The following CCDC32 variants were observed in gnomAD, a reference collection of about 807,000 sequenced individuals.
The protein encoded by CCDC32 is coiled-coil domain containing 32, also known as coiled-coil domain-containing protein 32.
Under a neutral mutation model 20.1 loss-of-function variants are expected in CCDC32, and 9 were observed. That is an observed-to-expected ratio of 0.45 (90% confidence interval 0.27 to 0.78). The LOEUF (loss-of-function observed/expected upper bound fraction) is 0.78. CCDC32 is among the 30% of genes least tolerant of loss of function. The pLI, the probability that CCDC32 is intolerant of heterozygous loss-of-function variation, is 0.16. For synonymous variants in CCDC32, 63 were observed against 79.0 expected, an observed-to-expected ratio of 0.80 and a Z score of 1.07; for missense variants, 204 against 215.5, an observed-to-expected ratio of 0.95 and a Z score of 0.33.
chr15:40,530,287 A>G (rs1256350630), downstream of CCDC32, among the ~76,000 whole-genome samples: 1 of 62,734 alleles, frequency 1.6e-5, no homozygotes, highest in Non-Finnish European at 3.6e-5. Flanking sequence ...GCGAAACTAC[A>G]TCTCAAAAAA....
At chr15:40,539,176 A>AC (rs147395780), downstream of CCDC32, 2,436 of 1,404,436 alleles carry the variant, frequency 1.7e-3, 39 homozygotes, top group African/African-American at 0.03. Flanking sequence ...CAAACCTGAC[A>AC]CCACAGAAAG....
downstream of CCDC32, among the ~76,000 whole-genome samples, chr15:40,524,906 T>C (rs768756973): frequency 4.6e-5 from 7 of 151,948 alleles, no homozygotes; most frequent in Non-Finnish European, 8.8e-5. Flanking sequence ...TTTTAATTTT[T>C]TGTAGAGGCA....
Position 40,554,218 on chromosome 15 carries a change from C to A in CCDC32, c.402-91G>T, listed in dbSNP as rs117221331. On this transcript the variant is annotated intron_variant, in intron 3 of 3. Transcript: ENST00000416810. ...CTCAGTTACTCAAACACTACCTTCC[C>A]GCCCACCAGCAATTTCTTCCTACAA... 1.4e-3 allele frequency: 2,019 copies of A among 1,484,350 alleles called. 22 individuals carry two copies. In the East Asian group the frequency reaches 0.028, roughly 20 times the overall value. The allele number at this position is 1,484,350 out of a possible 1,614,324, so 91.9% of individuals were successfully genotyped here.
At chr15:40,536,837 T>A (rs1299609158), downstream of CCDC32, 3 of 151,884 alleles carry the variant, frequency 2.0e-5, no homozygotes, top group African/African-American at 7.3e-5. Flanking sequence ...CAAAACAGAG[T>A]CATGACTGCT....
At chr15:40,528,677 G>T, downstream of CCDC32, 1 of 676,202 alleles carries the variant, frequency 1.5e-6, no homozygotes, top group Non-Finnish European at 2.6e-6. Flanking sequence ...GACGGAGGTG[G>T]GTTGGAGTTG....
At chr15:40,535,155 A>G, downstream of CCDC32, 1 of 1,087,270 alleles carries the variant, frequency 9.2e-7, no homozygotes, top group Non-Finnish European at 1.3e-6. Flanking sequence ...TGCATCAGGA[A>G]GATTAACGTG....
intron 3 of CCDC32, among the ~76,000 whole-genome samples, chr15:40,545,818 A>G (rs1889595301): frequency 6.6e-6 from 1 of 152,042 alleles, no homozygotes; most frequent in African/African-American, 2.4e-5. Flanking sequence ...TCAGTGACCA[A>G]GCCTCAGTGG....
downstream of CCDC32, chr15:40,535,667 A>G: frequency 1.0e-6 from 1 of 984,992 alleles, no homozygotes; most frequent in Admixed American, 6.1e-5. Flanking sequence ...GCTCCTTGCT[A>G]AGTCTCTCCA....
At chr15:40,557,530 T>C (rs1419928310) in intron 2 of CCDC32, 158 bp from the exon 3 acceptor site, 9 of 631,516 alleles carry the variant, frequency 1.4e-5, no homozygotes, top group Non-Finnish European at 2.3e-5. Context: ...TAAAAGGGAA[T>C]TGAACATTCT....
intron 3 of CCDC32, chr15:40,539,467 G>A (rs1411551089): frequency 1.3e-5 from 12 of 923,662 alleles, no homozygotes; most frequent in Admixed American, 4.3e-5. Flanking sequence ...CCGAGAGTGC[G>A]AAGGTGCGAG....
At position 40,544,278 on chromosome 15, in the gene CCDC32, A is replaced by G. The variant is rs546408746; in HGVS notation, c.402-4923T>C. Among the ~76,000 whole-genome samples the G allele has an allele frequency of 1.1e-3, 174 of 152,226 alleles. 1 individual carries two copies. The highest frequency in any genetic ancestry group is 2.2e-3 in the Non-Finnish European group (149 of 68,018). ...GCCCAGGATAGGGTGCGGTAGGGCA[A>G]TCATAGCTCACTGCAGCCTCAACCT... is the stretch of plus-strand genomic sequence containing the variant. On this transcript the variant is annotated intron_variant, in intron 3 of 3. Transcript: ENST00000558113.
Position 40,553,903 on chromosome 15 carries a change from GGCGTGT to G in CCDC32, c.*62_*67del, listed in dbSNP as rs1890038676. On this transcript the variant is annotated 3_prime_UTR_variant, in exon 4 of 4. Coordinates refer to ENST00000416810, the MANE Select transcript of CCDC32 (RefSeq NM_001080792.4). Reference sequence around the variant, plus strand: ...CGCTCTGGACCCGAGACAGCTGCTCGGCGTGTGTGTGTGTGTGTGTGTGTGTGTGTG... The same window carrying G: ...CGCTCTGGACCCGAGACAGCTGCTCGGTGTGTGTGTGTGTGTGTGTGTGTG... The G allele has an allele frequency of 2.2e-6, 3 of 1,357,114 alleles. No homozygotes were observed. Among genetic ancestry groups the G allele is most frequent in the Non-Finnish European group, 2.9e-6 (3 of 1,028,718 alleles). The allele number at this position is 1,357,114 out of a possible 1,614,324, so 84.1% of individuals were successfully genotyped here.
intron 2 of CCDC32, among the ~76,000 whole-genome samples, chr15:40,561,288 C>T (rs967046988): frequency 1.3e-5 from 2 of 152,042 alleles, no homozygotes; most frequent in Non-Finnish European, 2.9e-5. Context: ...CTCTGACCAA[C>T]ATGGTGAAAC....
intron 3 of CCDC32, among the ~76,000 whole-genome samples, chr15:40,555,637 G>A (rs938766944): frequency 2.6e-5 from 4 of 152,294 alleles, no homozygotes; most frequent in Non-Finnish European, 4.4e-5. Flanking sequence ...TAGATGCTAC[G>A]CTGATTTCTG....
At chr15:40,521,722 C>T in the CCDC32 span, among the ~76,000 whole-genome samples, 1 of 152,114 alleles carries the variant, frequency 6.6e-6, no homozygotes, top group Non-Finnish European at 1.5e-5. Flanking sequence ...TTTGATTTGC[C>T]TTTCCATGAT....
intron 3 of CCDC32, among the ~76,000 whole-genome samples, chr15:40,546,543 T>G (rs1425214364): frequency 1.3e-5 from 2 of 152,090 alleles, no homozygotes; most frequent in Non-Finnish European, 2.9e-5. Flanking sequence ...TATCTGTTCA[T>G]GCAAGTTGCC....
At chr15:40,524,403 A>G (rs7342634), downstream of CCDC32, among the ~76,000 whole-genome samples, 5,757 of 151,884 alleles carry the variant, frequency 0.038, 366 homozygotes, top group African/African-American at 0.13. Flanking sequence ...TGATCCGCCC[A>G]CCTCGGCCTC....
chr15:40,545,817 A>C (rs142363508), intron 3 of CCDC32, among the ~76,000 whole-genome samples: 1 of 152,136 alleles, frequency 6.6e-6, no homozygotes, highest in African/African-American at 2.4e-5. Context: ...CTCAGTGACC[A>C]AGCCTCAGTG....
the CCDC32 span, among the ~76,000 whole-genome samples, chr15:40,523,571 AG>A: frequency 6.6e-6 from 1 of 152,178 alleles, no homozygotes; most frequent in Non-Finnish European, 1.5e-5. Context: ...ACCTGTAAAA[AG>A]GAAATAACCA....
Sources: allele counts gnomAD v4.1 joint callset (sites outside exome capture counted in the v4.1 genomes callset), GRCh38; gene constraint gnomAD v4.1.1; transcripts MANE v1.5; gene names NCBI Gene and HGNC (gene_info 2026-07-23, HGNC 2026-07-21).